The following AFG1L variants were observed in gnomAD, a reference collection of about 807,000 sequenced individuals.
AFG1L encodes the protein AFG1 like ATPase, also known as AFG1-like ATPase.
Under a neutral mutation model 62.2 loss-of-function variants are expected in AFG1L, and 53 were observed. The ratio of observed to expected loss-of-function variants is 0.85; its 90% CI spans 0.68 to 1.07. AFG1L has a LOEUF of 1.07. Among genes scored for constraint, AFG1L ranks in the 50% least tolerant of loss-of-function variants. The probability of loss-of-function intolerance (pLI) is 0.00; values close to 1 mark genes in which losing one functional copy is unlikely to be tolerated. For synonymous variants in AFG1L, 228 were observed against 210.3 expected, an observed-to-expected ratio of 1.08 and a Z score of -0.73; for missense variants, 555 against 590.5, an observed-to-expected ratio of 0.94 and a Z score of 0.62.
rs550462896 is a variant in AFG1L, at chr6:108,504,147, T to A, written c.1063-6065T>A. Among the ~76,000 whole-genome samples the A allele has an allele frequency of 2.6e-5, 4 of 152,374 alleles. No individual in the cohort carries two copies. The East Asian group carries it at 7.7e-4, about 29-fold the overall frequency. On this transcript the variant is annotated intron_variant, in intron 10 of 12. Transcript: ENST00000368977. ...GTGTGTTCACTGGAGTAGCACTTTT[T>A]ATTTCCTTCAAGACATTTTCCTTTT...
intron 8 of AFG1L, among the ~76,000 whole-genome samples, chr6:108,474,373 G>T (rs1431972402): frequency 6.6e-6 from 1 of 152,168 alleles, no homozygotes; most frequent in Non-Finnish European, 1.5e-5. Flanking sequence ...ATAATAGAAT[G>T]ATTTATATTC....
intron 3 of AFG1L, among the ~76,000 whole-genome samples, chr6:108,354,700 C>T (rs1779201196): frequency 1.3e-5 from 2 of 151,930 alleles, no homozygotes; most frequent in African/African-American, 2.4e-5. Flanking sequence ...TGATTTATGT[C>T]CTGGGTGGGA....
chr6:108,439,387 G>T (rs1450870650), intron 7 of AFG1L, among the ~76,000 whole-genome samples: 2 of 152,122 alleles, frequency 1.3e-5, no homozygotes. Context: ...AACCATAAGT[G>T]CACATTTTTG....
intron 2 of AFG1L, among the ~76,000 whole-genome samples, chr6:108,334,151 C>T (rs1272343787): frequency 6.6e-6 from 1 of 152,038 alleles, no homozygotes; most frequent in African/African-American, 2.4e-5. Flanking sequence ...AGGGCTAAGG[C>T]ATGCGCCACC....
chr6:108,413,677 A>G lies in AFG1L; in HGVS notation c.807+11623A>G, dbSNP rs575366255. On this transcript the variant is annotated intron_variant, in intron 7 of 12. Coordinates refer to ENST00000368977, the MANE Select transcript of AFG1L (RefSeq NM_145315.5). ...TGCTCCTGAATGAACTACTGGGTACATAACAAAATGAAGGCAGAAATAAAG... is the reference window on the plus strand; with the variant it reads ...TGCTCCTGAATGAACTACTGGGTACGTAACAAAATGAAGGCAGAAATAAAG... Among the ~76,000 whole-genome samples, 48 of 152,356 alleles carry G rather than the reference A, an allele frequency of 3.2e-4. No individual in the cohort carries two copies. In the South Asian group the frequency reaches 5.2e-3, roughly 16 times the overall value.
chr6:108,421,990 G>C (rs980042024), intron 7 of AFG1L, among the ~76,000 whole-genome samples: 16 of 152,102 alleles, frequency 1.1e-4, no homozygotes, highest in African/African-American at 3.6e-4. Context: ...TAACATTCTA[G>C]TAAAGTTGTT....
chr6:108,466,724 A>G (rs922030718), intron 8 of AFG1L, among the ~76,000 whole-genome samples: 4 of 148,672 alleles, frequency 2.7e-5, no homozygotes, highest in African/African-American at 9.8e-5. Flanking sequence ...AGAAAAAAAA[A>G]TTATATATAT....
At chr6:108,314,606 C>T (rs1272674176) in intron 1 of AFG1L, among the ~76,000 whole-genome samples, 2 of 152,096 alleles carry the variant, frequency 1.3e-5, no homozygotes, top group African/African-American at 2.4e-5. Flanking sequence ...ACCGTGTTGC[C>T]TAGGCTGGTC....
chr6:108,380,961 A>T (rs1305276667), intron 6 of AFG1L, among the ~76,000 whole-genome samples: 1 of 152,160 alleles, frequency 6.6e-6, no homozygotes, highest in Non-Finnish European at 1.5e-5. Context: ...GGGTTCTGGG[A>T]TGTCCTTTAT....
rs114214248 is a variant in AFG1L, at chr6:108,468,419, T to A, written c.891-8446T>A. Among the ~76,000 whole-genome samples, 306 of 152,346 alleles carry A rather than the reference T, an allele frequency of 2.0e-3. 2 individuals are homozygous for A. Among genetic ancestry groups the A allele is most frequent in the African/African-American group, 6.9e-3 (285 of 41,580 alleles). On this transcript the variant is annotated intron_variant, in intron 8 of 12. Transcript: ENST00000368977. Reference sequence around the variant, plus strand: ...AGCTTCCATTATTGCTGTTACAAAGTTGGATGTGAATCTGTTTCTTGACTT... The same window carrying A: ...AGCTTCCATTATTGCTGTTACAAAGATGGATGTGAATCTGTTTCTTGACTT...
chr6:108,416,815 C>A (rs1038325716), intron 7 of AFG1L, among the ~76,000 whole-genome samples: 1 of 151,892 alleles, frequency 6.6e-6, no homozygotes, highest in South Asian at 2.1e-4. Flanking sequence ...AGGAGATATA[C>A]CTAATGTAAA....
chr6:108,512,542 G>A (rs936067464), intron 11 of AFG1L, among the ~76,000 whole-genome samples: 1 of 152,052 alleles, frequency 6.6e-6, no homozygotes, highest in African/African-American at 2.4e-5. Flanking sequence ...TGTTTTTACA[G>A]GACTAGGCTT....
At chr6:108,396,692 T>C (rs998928285) in intron 6 of AFG1L, among the ~76,000 whole-genome samples, 1 of 152,094 alleles carries the variant, frequency 6.6e-6, no homozygotes, top group African/African-American at 2.4e-5. Context: ...AGTTTCACCA[T>C]GTTGGCCAGG....
rs182000918 is a variant in AFG1L, at chr6:108,380,595, A to C, written c.748+14263A>C. ...TCTGGATGTGGAGGCCCCCTATCCA[A>C]CTCTGGAGCAGGTGTTCCAATCTCT... On this transcript the variant is annotated intron_variant, in intron 6 of 12. Coordinates refer to ENST00000368977, the MANE Select transcript of AFG1L (RefSeq NM_145315.5). Among the ~76,000 whole-genome samples the C allele has an allele frequency of 2.5e-3, 375 of 152,110 alleles. 1 individual carries two copies. Among genetic ancestry groups the C allele is most frequent in the African/African-American group, 8.4e-3 (350 of 41,510 alleles).
chr6:108,523,997 C>T lies in AFG1L; in HGVS notation c.*1572C>T, dbSNP rs887633711. ...TAGTCTTAGAAAGTGAATATTATAA[C>T]CCCTGTTTAAAAATAAGAAAACTGA... On this transcript the variant is annotated 3_prime_UTR_variant, in exon 13 of 13. Transcript: ENST00000368977. The T allele has an allele frequency of 1.4e-5, 2 of 145,730 alleles. No individual in the cohort carries two copies. Among genetic ancestry groups the T allele is most frequent in the African/African-American group, 4.9e-5 (2 of 41,052 alleles). 9.0% of individuals were successfully genotyped at this position (145,730 alleles called of 1,614,324 possible). A position where few individuals can be genotyped will look rare whatever the true frequency, so the allele number is the denominator to read the frequency against.
intron 5 of AFG1L, among the ~76,000 whole-genome samples, chr6:108,363,659 C>A (rs1779632645): frequency 6.6e-6 from 1 of 151,436 alleles, no homozygotes; most frequent in Non-Finnish European, 1.5e-5. Context: ...TTCTTCATAT[C>A]TCTTCTGAGA....
At chr6:108,330,434 A>G (rs1002738027) in intron 2 of AFG1L, among the ~76,000 whole-genome samples, 4 of 152,090 alleles carry the variant, frequency 2.6e-5, no homozygotes, top group Admixed American at 1.3e-4. Context: ...TGGGCCTCCC[A>G]AAGTGTTGAG....
intron 1 of AFG1L, among the ~76,000 whole-genome samples, chr6:108,311,080 G>A (rs1247911736): frequency 6.6e-6 from 1 of 152,124 alleles, no homozygotes; most frequent in Non-Finnish European, 1.5e-5. Flanking sequence ...AGTGGCTCCT[G>A]TGGCCTTTAA....
chr6:108,436,817 T>A (rs927250497), intron 7 of AFG1L, among the ~76,000 whole-genome samples: 11 of 152,218 alleles, frequency 7.2e-5, no homozygotes, highest in African/African-American at 2.7e-4. Context: ...AATAATAATT[T>A]CTACCTCATA....
Sources: allele counts gnomAD v4.1 joint callset (sites outside exome capture counted in the v4.1 genomes callset), GRCh38; gene constraint gnomAD v4.1.1; transcripts MANE v1.5; gene names NCBI Gene and HGNC (gene_info 2026-07-23, HGNC 2026-07-21).